The following TBC1D8 variants were observed in gnomAD, a reference collection of about 807,000 sequenced individuals.
TBC1D8 encodes the protein TBC1 domain family member 8.
A neutral mutation model predicts 118.8 loss-of-function variants in TBC1D8; 65 were observed. The ratio of observed to expected loss-of-function variants is 0.55; its 90% CI spans 0.45 to 0.67. TBC1D8 has a LOEUF of 0.67. Among genes scored for constraint, TBC1D8 ranks in the 30% least tolerant of loss-of-function variants. TBC1D8 has a pLI of 0.00. For missense variants in TBC1D8, 1,376 were observed against 1,471.2 expected (o/e 0.94, Z 1.06); for synonymous variants, 566 against 595.8 (o/e 0.95, Z 0.73).
chr2:101,043,655 T>C (rs147354060), intron 5 of TBC1D8, among the ~76,000 whole-genome samples: 132 of 152,210 alleles, frequency 8.7e-4, no homozygotes, highest in African/African-American at 3.1e-3. Flanking sequence ...GAATAAGGTG[T>C]TCCAGGCTGA....
chr2:101,016,468 T>C (rs1679644204), intron 17 of TBC1D8, among the ~76,000 whole-genome samples: 1 of 152,188 alleles, frequency 6.6e-6, no homozygotes, highest in Admixed American at 6.5e-5. Context: ...ACTTTTACAC[T>C]GTTGGTGGGA....
In TBC1D8 at chr2:101,029,531, T is replaced by A. The variant is rs1195455540; in HGVS notation, c.2182A>T (p.Ser728Cys). Residue 728 changes from serine (S) to cysteine (C), a missense_variant, in exon 12 of 20, where the codon AGC (serine) becomes TGC (cysteine). Transcript: ENST00000409318. ...AAGGCCTGGCCATCATCCTTGCTGC[T>A]GCACAGGTCCTCAGCATTGGCCTCA... ...VLEANAEDLCSSKDDGQALMI... is the reference protein window; with the variant it reads ...VLEANAEDLCCSKDDGQALMI... 1 of 1,613,858 alleles carries A rather than the reference T, an allele frequency of 6.2e-7. No homozygotes were observed. The highest frequency in any genetic ancestry group is 1.1e-5 in the South Asian group (1 of 91,084).
At chr2:101,096,271 G>A (rs932723181) in intron 1 of TBC1D8, among the ~76,000 whole-genome samples, 27 of 151,728 alleles carry the variant, frequency 1.8e-4, no homozygotes, top group Non-Finnish European at 1.5e-4. Context: ...ACCATAACAA[G>A]GACACCTGAG....
intron 17 of TBC1D8, chr2:101,018,003 A>G (rs1393260829): frequency 3.5e-6 from 5 of 1,432,590 alleles, no homozygotes; most frequent in Admixed American, 4.1e-5. Context: ...TCGCAATTCT[A>G]CTTCAAGCAT....
At chr2:101,122,971 G>C (rs1313686877) in intron 1 of TBC1D8, among the ~76,000 whole-genome samples, 1 of 152,170 alleles carries the variant, frequency 6.6e-6, no homozygotes, top group Admixed American at 6.5e-5. Context: ...TGTGATGTGG[G>C]TGTGTAAGCA....
At chr2:101,017,978 G>T in intron 17 of TBC1D8, 2 of 1,529,640 alleles carry the variant, frequency 1.3e-6, no homozygotes, top group South Asian at 2.4e-5. Flanking sequence ...TAGAGGATTC[G>T]AACGGTTCCA....
chr2:101,134,779 G>A (rs1019512537), intron 1 of TBC1D8, among the ~76,000 whole-genome samples: 4 of 152,182 alleles, frequency 2.6e-5, no homozygotes, highest in African/African-American at 9.7e-5. Flanking sequence ...TAGGGGGCAG[G>A]GGGACACATT....
At chr2:101,048,077 C>T (rs1018754741) in intron 5 of TBC1D8, among the ~76,000 whole-genome samples, 2 of 152,312 alleles carry the variant, frequency 1.3e-5, no homozygotes, top group Admixed American at 6.5e-5. Context: ...TGCAACTACA[C>T]GGTTGCACTC....
intron 5 of TBC1D8, among the ~76,000 whole-genome samples, chr2:101,046,615 A>C (rs1266580965): frequency 6.6e-6 from 1 of 152,246 alleles, no homozygotes. Flanking sequence ...AGGGATGAAA[A>C]GTCAAATAAA....
intron 2 of TBC1D8, among the ~76,000 whole-genome samples, chr2:101,084,936 C>T (rs1353917014): frequency 1.3e-5 from 2 of 151,532 alleles, no homozygotes; most frequent in East Asian, 1.9e-4. Flanking sequence ...GCAAGCTCCG[C>T]CTCCTGGGTT....
At chr2:101,046,197 C>T (rs570742494) in intron 5 of TBC1D8, among the ~76,000 whole-genome samples, 17 of 152,336 alleles carry the variant, frequency 1.1e-4, no homozygotes, top group Non-Finnish European at 2.2e-4. Context: ...GTGGATGAAG[C>T]TGCCATGCAG....
chr2:101,019,075 T>G, intron 17 of TBC1D8: 1 of 1,597,992 alleles, frequency 6.3e-7, no homozygotes, highest in Non-Finnish European at 8.5e-7. Flanking sequence ...GCCTTGGGTC[T>G]CGGCTCTTCA....
chr2:101,057,122 GAAAACTGAGAAACCACA>G (rs1203560539), intron 3 of TBC1D8, among the ~76,000 whole-genome samples: 9 of 152,288 alleles, frequency 5.9e-5, no homozygotes, highest in Non-Finnish European at 7.3e-5. Flanking sequence ...TTGAGCTGAA[GAAAACTGAGAAACCACA>G]AACACCAAAA....
At chr2:101,133,144 T>C (rs1453595224) in intron 1 of TBC1D8, among the ~76,000 whole-genome samples, 3 of 140,756 alleles carry the variant, frequency 2.1e-5, no homozygotes, top group African/African-American at 5.3e-5. Flanking sequence ...TGGGTGACAG[T>C]GCGAGACTCC....
Position 101,022,468 on chromosome 2 carries a change from G to T in TBC1D8, c.2574C>A (p.Arg858=). 6.2e-7 allele frequency: 1 copy of T among 1,608,626 alleles called. No homozygotes were observed. The highest frequency in any genetic ancestry group is 8.5e-7 in the Non-Finnish European group (1 of 1,178,440). The stretch of plus-strand genomic sequence containing the variant: ...CAGCATAGGGCCGGCTGGGGTCGTG[G>T]CGTGAGGCCATGGGCCTGGGCTGCT... ...YWEQPRPMAS[R]HDPSRPYAEQ... The change falls in exon 16 of 20, where the codon CGC becomes CGA. Residue 858 remains arginine (R), a synonymous_variant. Transcript: ENST00000409318.
intron 13 of TBC1D8, 58 bp downstream of exon 13, chr2:101,028,245 T>C: frequency 6.4e-7 from 1 of 1,571,490 alleles, no homozygotes; most frequent in Non-Finnish European, 8.7e-7. Context: ...CATCCCCCAG[T>C]CACAATTCCC....
intron 1 of TBC1D8, among the ~76,000 whole-genome samples, chr2:101,091,340 C>T (rs1157252648): frequency 6.6e-6 from 1 of 152,018 alleles, no homozygotes; most frequent in Non-Finnish European, 1.5e-5. Flanking sequence ...CCATAAAGCA[C>T]GAAATGTGAG....
chr2:101,103,453 A>C (rs1292566934), intron 1 of TBC1D8, among the ~76,000 whole-genome samples: 1 of 147,812 alleles, frequency 6.8e-6, no homozygotes, highest in Non-Finnish European at 1.5e-5. Context: ...ATGCAGTGGC[A>C]CTATCTCGGC....
At position 101,011,011 on chromosome 2, in the gene TBC1D8, T is replaced by C. The variant is rs1181714935; in HGVS notation, c.2933A>G (p.Tyr978Cys). Residue 978 changes from tyrosine (Y) to cysteine (C), a missense_variant, in exon 19 of 20, where the codon TAT (tyrosine) becomes TGT (cysteine). Tyr to Cys is a radical substitution (Grantham distance 194). Coordinates refer to ENST00000409318, the MANE Select transcript of TBC1D8 (RefSeq NM_001330348.2). Reference protein sequence around the residue: ...FGKPNGDAVDYQKQLKQMIKD... With the variant: ...FGKPNGDAVDCQKQLKQMIKD... The stretch of plus-strand genomic sequence containing the variant: ...AATCATCTGCTTCAGCTGTTTCTGA[T>C]AATCAACTGCATCACCTTGAAACAA... 9.3e-6 allele frequency: 15 copies of C among 1,612,598 alleles called. No homozygotes were observed. The highest frequency in any genetic ancestry group is 1.2e-5 in the Non-Finnish European group (14 of 1,179,858).
Sources: allele counts gnomAD v4.1 joint callset (sites outside exome capture counted in the v4.1 genomes callset), GRCh38; gene constraint gnomAD v4.1.1; transcripts MANE v1.5; gene names NCBI Gene and HGNC (gene_info 2026-07-23, HGNC 2026-07-21).